The following ANKRD6 variants were observed in gnomAD, a reference collection of about 807,000 sequenced individuals.
ANKRD6 encodes ankyrin repeat domain 6.
In ANKRD6, 56 loss-of-function variants were observed where a neutral mutation model predicts 82.3. The observed-to-expected ratio is 0.68, with a 90% CI of 0.55 to 0.85. ANKRD6 has a LOEUF of 0.85. ANKRD6 is among the 40% of genes least tolerant of loss of function. The pLI is 0.00. For missense variants in ANKRD6, 852 were observed against 907.6 expected, an observed-to-expected ratio of 0.94 and a Z score of 0.79; for synonymous variants, 347 against 352.1, an observed-to-expected ratio of 0.99 and a Z score of 0.16.
Position 89,631,226 on chromosome 6 carries a change from T to C in ANKRD6, c.*222T>C. 1.2e-6 allele frequency: 1 copy of C among 814,214 alleles called. No homozygotes were observed. The highest frequency in any genetic ancestry group is 1.7e-6 in the Non-Finnish European group (1 of 587,194). The allele number at this position is 814,214 out of a possible 1,614,324, so 50.4% of individuals were successfully genotyped here. A position where few individuals can be genotyped will look rare whatever the true frequency, so the allele number is the denominator to read the frequency against. On this transcript the variant is annotated 3_prime_UTR_variant, in exon 16 of 16. Transcript: ENST00000339746. ...CAGGGGAAGCTTGCTTAGTTTTGGG[T>C]TTCATTATAAACTCTTAGCCTCAGT...
chr6:89,499,375 C>T (rs1779012140), intron 1 of ANKRD6, among the ~76,000 whole-genome samples: 1 of 152,158 alleles, frequency 6.6e-6, no homozygotes, highest in Middle Eastern at 3.2e-3. Context: ...TTGTTACTTG[C>T]AGCTGATTAC....
At chr6:89,584,581 G>A (rs1793297575) in intron 2 of ANKRD6, among the ~76,000 whole-genome samples, 1 of 152,324 alleles carries the variant, frequency 6.6e-6, no homozygotes, top group Non-Finnish European at 1.5e-5. Flanking sequence ...GTATGTGGGT[G>A]AATAGGTAGC....
intron 4 of ANKRD6, 27 bp downstream of exon 4, chr6:89,603,154 C>G: frequency 6.4e-7 from 1 of 1,573,910 alleles, no homozygotes; most frequent in Non-Finnish European, 8.6e-7. Flanking sequence ...CTTCCTTACT[C>G]CCCAAGGCAA....
intron 1 of ANKRD6, among the ~76,000 whole-genome samples, chr6:89,531,680 C>A (rs1210940737): frequency 6.6e-6 from 1 of 152,240 alleles, no homozygotes; most frequent in Non-Finnish European, 1.5e-5. Flanking sequence ...GCCCTGTATC[C>A]CTTCTTTGAT....
In ANKRD6 at chr6:89,603,043, C is replaced by G; in HGVS notation, c.234C>G (p.Ala78=). The G allele has an allele frequency of 6.2e-7, 1 of 1,606,026 alleles. No individual in the cohort carries two copies. The highest frequency in any genetic ancestry group is 1.7e-4 in the Middle Eastern group (1 of 6,056). Reference sequence around the variant, plus strand: ...TCACTTTGCAGGGGGACCAGACCGCCTTGCACCGGGCCACAGTGGTGGGGA... The same window carrying G: ...TCACTTTGCAGGGGGACCAGACCGCGTTGCACCGGGCCACAGTGGTGGGGA... ...LDVQDDGDQT[A]LHRATVVGNT... The change falls in exon 4 of 16, where the codon GCC becomes GCG. Residue 78 remains alanine (A), a synonymous_variant. Transcript: ENST00000339746.
intron 1 of ANKRD6, among the ~76,000 whole-genome samples, chr6:89,543,979 G>A (rs966073373): frequency 3.3e-5 from 5 of 152,280 alleles, no homozygotes; most frequent in Non-Finnish European, 4.4e-5. Flanking sequence ...GCTCAATACC[G>A]TGGCAGTGTC....
intron 1 of ANKRD6, among the ~76,000 whole-genome samples, chr6:89,564,231 C>G (rs749005654): frequency 1.3e-5 from 2 of 151,972 alleles, no homozygotes; most frequent in Non-Finnish European, 2.9e-5. Flanking sequence ...TGTGAGGGAC[C>G]TGTTCTGGAG....
chr6:89,523,560 CTTTA>C (rs1266801700), intron 1 of ANKRD6, among the ~76,000 whole-genome samples: 6 of 152,086 alleles, frequency 3.9e-5, no homozygotes, highest in African/African-American at 1.4e-4. Context: ...TAGAGAAGAG[CTTTA>C]TTTAGTGCCC....
chr6:89,621,518 G>C (rs1803296090), intron 9 of ANKRD6: 1 of 188,668 alleles, frequency 5.3e-6, no homozygotes, highest in Admixed American at 5.4e-5. Context: ...AGTGTACCAA[G>C]ATGGAGAGTG....
In ANKRD6 at chr6:89,630,983, T is replaced by C. The variant is rs1807288488; in HGVS notation, c.2163T>C (p.Thr721=). 2 of 1,555,826 alleles carry C rather than the reference T, an allele frequency of 1.3e-6. No individual in the cohort carries two copies. Among genetic ancestry groups the C allele is most frequent in the African/African-American group, 2.8e-5 (2 of 72,556 alleles). The change falls in exon 16 of 16, where the codon ACT becomes ACC. Residue 721 remains threonine (T), a synonymous_variant. Transcript: ENST00000339746. ...AAGAGGAACTTGCCAAACTAAGGAC[T>C]AGGGTGCAGAAGGAAAATTAGCACC... ...SLEEELAKLR[T]RVQKEN
At chr6:89,460,807 TGAGA>T (rs1774033526) in intron 1 of ANKRD6, among the ~76,000 whole-genome samples, 1 of 151,946 alleles carries the variant, frequency 6.6e-6, no homozygotes, top group Non-Finnish European at 1.5e-5. Flanking sequence ...CATTTCAGAA[TGAGA>T]GAGTGGAGAG....
chr6:89,441,511 T>C (rs1771374316), intron 1 of ANKRD6, among the ~76,000 whole-genome samples: 1 of 151,380 alleles, frequency 6.6e-6, no homozygotes, highest in African/African-American at 2.4e-5. Context: ...CCAATACTTC[T>C]CAAACTTATG....
intron 2 of ANKRD6, among the ~76,000 whole-genome samples, chr6:89,574,771 A>G (rs1273822565): frequency 6.6e-6 from 1 of 152,178 alleles, no homozygotes; most frequent in Non-Finnish European, 1.5e-5. Flanking sequence ...CTGGGACTCA[A>G]ACCCTGGCCA....
intron 2 of ANKRD6, among the ~76,000 whole-genome samples, chr6:89,581,887 CTG>C (rs1226320609): frequency 6.7e-6 from 1 of 149,982 alleles, no homozygotes; most frequent in Non-Finnish European, 1.5e-5. Flanking sequence ...CATCCACACA[CTG>C]TGTGGAGCAG....
intron 1 of ANKRD6, among the ~76,000 whole-genome samples, chr6:89,528,585 T>C (rs1226283096): frequency 2.0e-5 from 3 of 152,256 alleles, no homozygotes; most frequent in Middle Eastern, 3.2e-3. Context: ...GTTAATGTTA[T>C]TTTGACCTCT....
At chr6:89,468,629 G>A (rs535241259) in intron 1 of ANKRD6, among the ~76,000 whole-genome samples, 7 of 144,610 alleles carry the variant, frequency 4.8e-5, no homozygotes, top group South Asian at 2.2e-4. Flanking sequence ...AAAAAAGTCC[G>A]TGCATAATTT....
intron 1 of ANKRD6, among the ~76,000 whole-genome samples, chr6:89,437,812 T>G (rs1770841778): frequency 6.6e-6 from 1 of 152,200 alleles, no homozygotes; most frequent in South Asian, 2.1e-4. Flanking sequence ...TATTTTATTT[T>G]TGAGGCAAGG....
intron 1 of ANKRD6, among the ~76,000 whole-genome samples, chr6:89,467,358 CTTG>C (rs746564842): frequency 2.2e-4 from 33 of 152,098 alleles, no homozygotes; most frequent in Non-Finnish European, 3.2e-4. Context: ...ACACCAAGTA[CTTG>C]TTGGTAAGTT....
intron 1 of ANKRD6, among the ~76,000 whole-genome samples, chr6:89,529,975 T>C (rs966674150): frequency 6.6e-6 from 1 of 152,190 alleles, no homozygotes; most frequent in Non-Finnish European, 1.5e-5. Context: ...GTTTGAGGGC[T>C]GGGCATGGTG....
Sources: allele counts gnomAD v4.1 joint callset (sites outside exome capture counted in the v4.1 genomes callset), GRCh38; gene constraint gnomAD v4.1.1; transcripts MANE v1.5; gene names NCBI Gene and HGNC (gene_info 2026-07-23, HGNC 2026-07-21).